PRKN: variants seen among roughly 807,000 people sequenced by gnomAD.
PRKN encodes E3 ubiquitin-protein ligase parkin.
In PRKN, 56 loss-of-function variants were observed where a neutral mutation model predicts 59.5. The ratio of observed to expected loss-of-function variants is 0.94; its 90% CI spans 0.76 to 1.18. The LOEUF (loss-of-function observed/expected upper bound fraction) is 1.18, where lower values mean the gene tolerates loss of function less well. PRKN is among the 50% of genes most tolerant of loss of function. PRKN has a pLI of 0.00. For synonymous variants in PRKN, 250 were observed against 222.1 expected, an observed-to-expected ratio of 1.13 and a Z score of -1.12; for missense variants, 657 against 596.4, an observed-to-expected ratio of 1.10 and a Z score of -1.06.
intron 4 of PRKN, among the ~76,000 whole-genome samples, chr6:162,197,534 A>C (rs1167274909): frequency 6.6e-6 from 1 of 152,150 alleles, no homozygotes; most frequent in Non-Finnish European, 1.5e-5. Flanking sequence ...TGATTACTAG[A>C]TTTGTATAGT....
chr6:161,579,801 G>C lies in PRKN; in HGVS notation c.872-10385C>G, dbSNP rs1781268357. ...TTACAAGTACTTAATGGTATTTTTT[G>C]TTTTTGAATTTTGTATTTTAAATTC... On this transcript the variant is annotated intron_variant, in intron 7 of 11. Coordinates refer to ENST00000366898, the MANE Select transcript of PRKN (RefSeq NM_004562.3). The surrounding 1 kb of genome is among the most constrained non-coding windows in gnomAD (Gnocchi z 4.2). Among the ~76,000 whole-genome samples the C allele has an allele frequency of 6.6e-6, 1 of 152,066 alleles. No homozygotes were observed. The highest frequency in any genetic ancestry group is 6.5e-5 in the Admixed American group (1 of 15,270).
chr6:162,556,602 C>T (rs953768318), intron 1 of PRKN, among the ~76,000 whole-genome samples: 1 of 151,642 alleles, frequency 6.6e-6, no homozygotes, highest in African/African-American at 2.4e-5. Context: ...CAGAAATTAG[C>T]CAGATGCAGT....
At chr6:162,314,467 G>A (rs570161901) in intron 2 of PRKN, among the ~76,000 whole-genome samples, 12 of 151,996 alleles carry the variant, frequency 7.9e-5, no homozygotes, top group Non-Finnish European at 1.5e-4. Flanking sequence ...TTGCCCTTTA[G>A]AGTAATTTAA....
At chr6:161,970,351 G>A (rs572065924) in intron 6 of PRKN, among the ~76,000 whole-genome samples, 12 of 151,200 alleles carry the variant, frequency 7.9e-5, no homozygotes, top group Non-Finnish European at 1.8e-4. Context: ...CTGGCACAGA[G>A]AAAATTTATC....
At chr6:162,680,908 C>G (rs4708971) in intron 1 of PRKN, among the ~76,000 whole-genome samples, 27,638 of 152,018 alleles carry the variant, frequency 0.18, 3,120 homozygotes, top group East Asian at 0.48. Context: ...ATTGTTTTCA[C>G]AGCAGCCACA....
At chr6:162,484,822 C>A (rs1268691341) in intron 1 of PRKN, among the ~76,000 whole-genome samples, 5 of 152,138 alleles carry the variant, frequency 3.3e-5, no homozygotes, top group Non-Finnish European at 7.4e-5. Context: ...TTTGTAAGTG[C>A]TGTTAGCATA....
At chr6:162,338,953 G>A (rs1783990634) in intron 2 of PRKN, among the ~76,000 whole-genome samples, 1 of 150,980 alleles carries the variant, frequency 6.6e-6, no homozygotes, top group African/African-American at 2.4e-5. Flanking sequence ...GACCCCGTCT[G>A]GGAGGTGAGG....
intron 1 of PRKN, among the ~76,000 whole-genome samples, chr6:162,504,722 A>G (rs1793528971): frequency 6.6e-6 from 1 of 152,198 alleles, no homozygotes; most frequent in Non-Finnish European, 1.5e-5. Flanking sequence ...ACTCTATTTA[A>G]AGCATCTGCA....
chr6:161,818,931 G>A (rs1025948770), intron 6 of PRKN, among the ~76,000 whole-genome samples: 1 of 152,014 alleles, frequency 6.6e-6, no homozygotes, highest in African/African-American at 2.4e-5. Flanking sequence ...AGGTGAAGAG[G>A]GCCTTATCCA....
chr6:162,235,974 A>AAAGG (rs1778672617), intron 3 of PRKN, among the ~76,000 whole-genome samples: 2 of 96,258 alleles, frequency 2.1e-5, no homozygotes, highest in African/African-American at 6.9e-5. Flanking sequence ...AGAAAGAAAG[A>AAAGG]AAGAAAGAAA....
intron 9 of PRKN, among the ~76,000 whole-genome samples, chr6:161,477,082 G>C (rs1236953046): frequency 6.6e-6 from 1 of 152,230 alleles, no homozygotes; most frequent in African/African-American, 2.4e-5. Flanking sequence ...TAACTCACCA[G>C]TGTGGTTAAT....
At chr6:161,825,556 G>A in intron 6 of PRKN, among the ~76,000 whole-genome samples, 1 of 152,108 alleles carries the variant, frequency 6.6e-6, no homozygotes, top group Non-Finnish European at 1.5e-5. Flanking sequence ...AGTTAGTCCT[G>A]GGTTTACCCG....
At chr6:161,947,182 G>A (rs1044212962) in intron 6 of PRKN, among the ~76,000 whole-genome samples, 3 of 152,010 alleles carry the variant, frequency 2.0e-5, no homozygotes, top group African/African-American at 7.3e-5. Context: ...TACCTTTATA[G>A]ATATTTTTAC....
At position 161,923,865 on chromosome 6, in the gene PRKN, T is replaced by C. The variant is rs372392197; in HGVS notation, c.734+49437A>G. Among the ~76,000 whole-genome samples, 12 of 152,282 alleles carry C rather than the reference T, an allele frequency of 7.9e-5. No homozygotes were observed. In the East Asian group the frequency reaches 2.3e-3, roughly 30 times the overall value. On this transcript the variant is annotated intron_variant, in intron 6 of 11. Coordinates refer to ENST00000366898, the MANE Select transcript of PRKN (RefSeq NM_004562.3). ...TGGCCCACCTGGCTTCCTCTTTCCCTGTCTGCCTGGTACTCTTTGTACTTT... is the reference window on the plus strand; with the variant it reads ...TGGCCCACCTGGCTTCCTCTTTCCCCGTCTGCCTGGTACTCTTTGTACTTT...
intron 9 of PRKN, among the ~76,000 whole-genome samples, chr6:161,452,399 T>C (rs1483875127): frequency 6.6e-6 from 1 of 152,216 alleles, no homozygotes; most frequent in Non-Finnish European, 1.5e-5. Context: ...ACAAACTTTG[T>C]CAGAGTTCAA....
intron 2 of PRKN, among the ~76,000 whole-genome samples, chr6:162,273,895 ATTATT>A (rs1159701233): frequency 2.0e-5 from 3 of 152,112 alleles, no homozygotes; most frequent in Non-Finnish European, 4.4e-5. Flanking sequence ...CCCTTCCTAT[ATTATT>A]TTGAGGCAAA....
chr6:162,308,504 AG>A (rs1346890521), intron 2 of PRKN, among the ~76,000 whole-genome samples: 1 of 152,176 alleles, frequency 6.6e-6, no homozygotes, highest in African/African-American at 2.4e-5. Context: ...CGGCATGATG[AG>A]GTCATGAAAG....
chr6:162,069,929 T>C (rs1036037159), intron 4 of PRKN, among the ~76,000 whole-genome samples: 1 of 152,212 alleles, frequency 6.6e-6, no homozygotes, highest in Non-Finnish European at 1.5e-5. Flanking sequence ...AAATGATTTT[T>C]GTAAATTCCA....
intron 1 of PRKN, among the ~76,000 whole-genome samples, chr6:162,475,505 T>C (rs906095346): frequency 3.1e-4 from 47 of 152,264 alleles, no homozygotes; most frequent in African/African-American, 1.0e-3. Flanking sequence ...AGTGAGAAGA[T>C]AGAGACGTAA....
Sources: gnomAD v4.1 joint callset for allele counts (sites outside exome capture counted in the v4.1 genomes callset) on GRCh38, gnomAD v4.1.1 for gene constraint, Gnocchi (gnomAD v3.1) non-coding constraint, MANE v1.5 for transcripts, NCBI Gene and HGNC (gene_info 2026-07-23, HGNC 2026-07-21) for gene names.